Variants in NEBL observed in about 807,000 individuals in gnomAD.
NEBL encodes the protein LIM and SH3 protein 2.
In NEBL, 122 loss-of-function variants were observed where a neutral mutation model predicts 140.2. The ratio of observed to expected loss-of-function variants is 0.87; its 90% CI spans 0.75 to 1.01. The LOEUF (loss-of-function observed/expected upper bound fraction) is 1.01. Ranked by LOEUF, NEBL falls within the 50% of genes least tolerant of loss-of-function variation. NEBL has a pLI of 0.00. For synonymous variants in NEBL, 436 were observed against 398.9 expected (o/e 1.09, Z -1.11); for missense variants, 1,365 against 1,231.3 (o/e 1.11, Z -1.62).
intron 2 of NEBL, among the ~76,000 whole-genome samples, chr10:21,078,898 T>C (rs1836232400): frequency 1.3e-5 from 2 of 152,168 alleles, no homozygotes; most frequent in African/African-American, 4.8e-5. Flanking sequence ...TGCTCCCAGA[T>C]CCAGGGGATG....
intron 10 of NEBL, among the ~76,000 whole-genome samples, 178 bp downstream of exon 10, chr10:20,852,367 C>G (rs747888790): frequency 6.6e-6 from 1 of 152,150 alleles, no homozygotes; most frequent in Non-Finnish European, 1.5e-5. Context: ...CCCCTGACCC[C>G]AATACCTACA....
chr10:21,053,826 A>G (rs991591252), intron 2 of NEBL, among the ~76,000 whole-genome samples: 1 of 152,172 alleles, frequency 6.6e-6, no homozygotes, highest in African/African-American at 2.4e-5. Context: ...TGAGGTCAAG[A>G]GTTCGATACT....
In NEBL at chr10:20,868,805, C is replaced by T. The variant is rs757281228; in HGVS notation, c.583-40G>A. The T allele has an allele frequency of 3.6e-6, 5 of 1,397,448 alleles. No individual in the cohort carries two copies. The South Asian group carries it at 4.6e-5, about 13-fold the overall frequency. 86.6% of individuals were successfully genotyped at this position (1,397,448 alleles called of 1,614,324 possible). On this transcript the variant is annotated intron_variant, in intron 6 of 27. Coordinates refer to ENST00000377122, the MANE Select transcript of NEBL (RefSeq NM_006393.3). The stretch of plus-strand genomic sequence containing the variant: ...TAAGACAATGTTAAATATTTCTACC[C>T]TCCAATGATGAACTACATTGACATT...
intron 18 of NEBL, among the ~76,000 whole-genome samples, chr10:20,824,436 A>G (rs1197040267): frequency 6.6e-6 from 1 of 152,202 alleles, no homozygotes; most frequent in Non-Finnish European, 1.5e-5. Context: ...AAACAGTTAA[A>G]TTGGAAGTTC....
chr10:21,282,708 C>A (rs1337969502), intron 1 of NEBL, among the ~76,000 whole-genome samples: 1 of 152,020 alleles, frequency 6.6e-6, no homozygotes, highest in African/African-American at 2.4e-5. Flanking sequence ...TGAATAGGAG[C>A]TGGGTAAAAT....
At position 21,239,844 on chromosome 10, in the gene NEBL, A is replaced by G. The variant is rs144177776; in HGVS notation, n.348+8077T>C. Among the ~76,000 whole-genome samples the G allele has an allele frequency of 8.0e-3, 1,211 of 152,140 alleles. 10 individuals are homozygous for G. The highest frequency in any genetic ancestry group is 0.026 in the African/African-American group (1,095 of 41,508). ...ATCCTAGCTAACATGGTGAAACCCC[A>G]TCTCTACTAAAAATACAAAAAATTA... On this transcript the variant is annotated intron_variant and non_coding_transcript_variant, in intron 3 of 8. Coordinates refer to the NEBL transcript ENST00000675702.
In NEBL at chr10:21,201,559, G is replaced by A. The variant is rs953009360; in HGVS notation, n.349-29082C>T. ...TACAAAAATTATAAACACAAAACTA[G>A]CTATGAACCTGAATATGTATTTTTT... On this transcript the variant is annotated intron_variant and non_coding_transcript_variant, in intron 3 of 8. Coordinates refer to the NEBL transcript ENST00000675702. Among the ~76,000 whole-genome samples the A allele has an allele frequency of 3.9e-5, 6 of 152,138 alleles. No homozygotes were observed. In the East Asian group the frequency reaches 1.2e-3, roughly 29 times the overall value.
At chr10:20,983,263 C>T (rs182467642) in intron 3 of NEBL, among the ~76,000 whole-genome samples, 1 of 152,294 alleles carries the variant, frequency 6.6e-6, no homozygotes, top group African/African-American at 2.4e-5. Context: ...GGAAAATTAA[C>T]CATGAAAGAT....
intron 3 of NEBL, among the ~76,000 whole-genome samples, chr10:21,201,232 C>T (rs1841730236): frequency 6.6e-6 from 1 of 152,194 alleles, no homozygotes; most frequent in Admixed American, 6.5e-5. Flanking sequence ...AAGAATACAA[C>T]TTCCACTTCT....
At chr10:21,067,619 A>G (rs1404457223) in intron 2 of NEBL, among the ~76,000 whole-genome samples, 4 of 152,162 alleles carry the variant, frequency 2.6e-5, no homozygotes, top group Non-Finnish European at 5.9e-5. Context: ...AAAACAGACC[A>G]TTAGAACAAA....
At chr10:21,142,260 T>G (rs1839665459) in intron 2 of NEBL, among the ~76,000 whole-genome samples, 1 of 152,090 alleles carries the variant, frequency 6.6e-6, no homozygotes, top group African/African-American at 2.4e-5. Flanking sequence ...CCTAGAAATA[T>G]TTATGACTTC....
chr10:20,938,342 C>A (rs1834629990), intron 4 of NEBL, among the ~76,000 whole-genome samples: 1 of 152,190 alleles, frequency 6.6e-6, no homozygotes, highest in South Asian at 2.1e-4. Flanking sequence ...CTGGAGTGGA[C>A]CTCCAGTAAA....
chr10:21,276,279 C>G (rs990720430), intron 1 of NEBL, among the ~76,000 whole-genome samples: 25 of 152,218 alleles, frequency 1.6e-4, no homozygotes, highest in African/African-American at 6.0e-4. Flanking sequence ...GCCCAACTTA[C>G]CACCTTTCTG....
chr10:20,882,752 T>C (rs1588931842), intron 4 of NEBL, among the ~76,000 whole-genome samples: 1 of 150,080 alleles, frequency 6.7e-6, no homozygotes, highest in East Asian at 1.9e-4. Flanking sequence ...AAAAAAAAAA[T>C]GTCATCTGGT....
chr10:20,821,023 C>A (rs1124487), intron 19 of NEBL, among the ~76,000 whole-genome samples: 1 of 151,914 alleles, frequency 6.6e-6, no homozygotes, highest in Non-Finnish European at 1.5e-5. Context: ...TGAGATGTTA[C>A]GCAGATTCTT....
chr10:20,848,824 A>C (rs1842209975), intron 11 of NEBL, among the ~76,000 whole-genome samples: 1 of 152,240 alleles, frequency 6.6e-6, no homozygotes, highest in South Asian at 2.1e-4. Context: ...CACAAAAAAT[A>C]CAAGTAATTC....
intron 3 of NEBL, among the ~76,000 whole-genome samples, chr10:21,209,995 G>A (rs964858738): frequency 6.6e-6 from 1 of 152,118 alleles, no homozygotes; most frequent in African/African-American, 2.4e-5. Flanking sequence ...ATTTGGTTAA[G>A]CTGACCCTAA....
chr10:21,250,211 T>G (rs1443397557), intron 2 of NEBL, among the ~76,000 whole-genome samples: 4 of 152,294 alleles, frequency 2.6e-5, no homozygotes, highest in Admixed American at 6.5e-5. Context: ...GTCCATGAGC[T>G]GAGAAAGGCA....
intron 3 of NEBL, among the ~76,000 whole-genome samples, chr10:21,245,911 G>A (rs1385962225): frequency 6.6e-6 from 1 of 152,194 alleles, no homozygotes; most frequent in Non-Finnish European, 1.5e-5. Flanking sequence ...GAGCCAGGAT[G>A]GTCTCGATCT....
Sources: gnomAD v4.1 joint callset for allele counts (sites outside exome capture counted in the v4.1 genomes callset) on GRCh38, gnomAD v4.1.1 for gene constraint, MANE v1.5 for transcripts, NCBI Gene and HGNC (gene_info 2026-07-23, HGNC 2026-07-21) for gene names.